GALNT13: variants seen among roughly 807,000 people sequenced by gnomAD.
GALNT13 encodes the protein UDP-GalNAc:polypeptide N-acetylgalactosaminyltransferase 13.
Under a neutral mutation model 64.2 loss-of-function variants are expected in GALNT13, and 28 were observed. The ratio of observed to expected loss-of-function variants is 0.44; its 90% CI spans 0.32 to 0.60. GALNT13 has a LOEUF of 0.60. GALNT13 is among the 20% of genes least tolerant of loss of function. The pLI, the probability that GALNT13 is intolerant of heterozygous loss-of-function variation, is 0.05. For synonymous variants in GALNT13, 214 were observed against 224.6 expected (o/e 0.95, Z 0.42); for missense variants, 577 against 669.8 (o/e 0.86, Z 1.53).
the GALNT13 span, among the ~76,000 whole-genome samples, chr2:153,087,055 G>T: frequency 6.6e-6 from 1 of 152,118 alleles, no homozygotes; most frequent in Non-Finnish European, 1.5e-5. Flanking sequence ...TCCATGTCTT[G>T]TTCCAGTTCT....
At chr2:153,685,428 T>C in the GALNT13 span, among the ~76,000 whole-genome samples, 1 of 152,054 alleles carries the variant, frequency 6.6e-6, no homozygotes, top group Non-Finnish European at 1.5e-5. Flanking sequence ...GAAGTTGAGG[T>C]TTTTCCATAT....
chr2:153,421,561 GA>G, the GALNT13 span: 1 of 235,368 alleles, frequency 4.2e-6, no homozygotes, highest in Non-Finnish European at 9.7e-6. Flanking sequence ...CAAAGCTGTG[GA>G]AAACCGAGAA....
chr2:153,528,292 T>C, the GALNT13 span, among the ~76,000 whole-genome samples: 2 of 151,878 alleles, frequency 1.3e-5, no homozygotes, highest in Non-Finnish European at 2.9e-5. Context: ...TTTTATCAGA[T>C]AAAATAGATT....
At chr2:153,532,143 G>T in the GALNT13 span, among the ~76,000 whole-genome samples, 1 of 152,048 alleles carries the variant, frequency 6.6e-6, no homozygotes, top group Non-Finnish European at 1.5e-5. Flanking sequence ...CCTAGTAGAG[G>T]TTCTCTGTGA....
chr2:153,996,856 T>C (rs532979651), intron 3 of GALNT13, among the ~76,000 whole-genome samples: 1 of 152,224 alleles, frequency 6.6e-6, no homozygotes, highest in Non-Finnish European at 1.5e-5. Context: ...ATATGTGAGA[T>C]AGGGTCCAAT....
At chr2:153,851,678 CAG>C in the GALNT13 span, among the ~76,000 whole-genome samples, 1 of 151,960 alleles carries the variant, frequency 6.6e-6, no homozygotes, top group Non-Finnish European at 1.5e-5. Context: ...GCCTGTATGA[CAG>C]AGCAAGAACC....
At chr2:153,218,918 A>C in the GALNT13 span, among the ~76,000 whole-genome samples, 1 of 152,218 alleles carries the variant, frequency 6.6e-6, no homozygotes, top group Non-Finnish European at 1.5e-5. Context: ...GGTTCAAAAA[A>C]GTATAAAATT....
chr2:153,411,100 C>T, the GALNT13 span, among the ~76,000 whole-genome samples: 1 of 151,578 alleles, frequency 6.6e-6, no homozygotes, highest in Non-Finnish European at 1.5e-5. Context: ...AAGCCATTTG[C>T]CCACTTCAGC....
chr2:154,084,143 G>A (rs1220687120), intron 3 of GALNT13, among the ~76,000 whole-genome samples: 2 of 151,778 alleles, frequency 1.3e-5, no homozygotes, highest in Non-Finnish European at 2.9e-5. Context: ...AAACAATAAT[G>A]GTCCAGATGT....
intron 2 of GALNT13, among the ~76,000 whole-genome samples, chr2:153,929,538 C>A (rs545878491): frequency 1.3e-5 from 2 of 152,010 alleles, no homozygotes; most frequent in Non-Finnish European, 2.9e-5. Context: ...TCTGTTTTTT[C>A]TTCTTTATGT....
intron 8 of GALNT13, among the ~76,000 whole-genome samples, chr2:154,261,748 A>T (rs1215770813): frequency 1.3e-5 from 2 of 152,148 alleles, no homozygotes; most frequent in East Asian, 3.9e-4. Flanking sequence ...AGAAAATGTG[A>T]TAATTTCCTT....
At chr2:153,104,540 G>A in the GALNT13 span, among the ~76,000 whole-genome samples, 1 of 152,096 alleles carries the variant, frequency 6.6e-6, no homozygotes, top group Admixed American at 6.6e-5. Context: ...TTCATTTGTT[G>A]TACATGTTTG....
rs1477718474 is a variant in GALNT13, at chr2:154,090,508, C to T, written c.143-49829C>T. Among the ~76,000 whole-genome samples the T allele has an allele frequency of 2.0e-5, 3 of 152,156 alleles. No individual in the cohort carries two copies. The South Asian group carries it at 6.2e-4, about 32-fold the overall frequency. On this transcript the variant is annotated intron_variant, in intron 3 of 12. Coordinates refer to ENST00000392825, the MANE Select transcript of GALNT13 (RefSeq NM_052917.4). ...AATGTCAAACTTGATTTACCCATTCCATTCTTTGGAAAACCTAGATTTTCT... is the reference window on the plus strand; with the variant it reads ...AATGTCAAACTTGATTTACCCATTCTATTCTTTGGAAAACCTAGATTTTCT...
the GALNT13 span, among the ~76,000 whole-genome samples, chr2:153,576,329 C>T: frequency 6.6e-6 from 1 of 152,120 alleles, no homozygotes; most frequent in Non-Finnish European, 1.5e-5. Context: ...CTAGGACTCA[C>T]CTAAGAGCTA....
At chr2:153,563,486 T>C in the GALNT13 span, among the ~76,000 whole-genome samples, 2 of 152,140 alleles carry the variant, frequency 1.3e-5, no homozygotes, top group Non-Finnish European at 2.9e-5. Flanking sequence ...TTTGTACATA[T>C]TGAGTGATAT....
the GALNT13 span, among the ~76,000 whole-genome samples, chr2:153,091,914 G>A: frequency 6.6e-6 from 1 of 152,120 alleles, no homozygotes; most frequent in Non-Finnish European, 1.5e-5. Context: ...AGAATTTTAT[G>A]CCCAGACAAG....
intron 9 of GALNT13, among the ~76,000 whole-genome samples, chr2:154,356,423 C>T (rs1559110099): frequency 6.6e-6 from 1 of 151,828 alleles, no homozygotes; most frequent in East Asian, 1.9e-4. Context: ...GCTTTTTAAT[C>T]AGTTCTTGAA....
At chr2:153,257,416 C>T in the GALNT13 span, among the ~76,000 whole-genome samples, 23 of 152,154 alleles carry the variant, frequency 1.5e-4, no homozygotes, top group African/African-American at 4.3e-4. Flanking sequence ...CCGTCTTCTG[C>T]GTGGCTCACA....
the GALNT13 span, among the ~76,000 whole-genome samples, chr2:153,418,862 G>T: frequency 6.6e-6 from 1 of 151,934 alleles, no homozygotes; most frequent in African/African-American, 2.4e-5. Context: ...TGTCTGAAAA[G>T]GTAAATAAAT....
Sources: allele counts gnomAD v4.1 joint callset (sites outside exome capture counted in the v4.1 genomes callset), GRCh38; gene constraint gnomAD v4.1.1; transcripts MANE v1.5; gene names NCBI Gene and HGNC (gene_info 2026-07-23, HGNC 2026-07-21).